CFAP299: variants seen among roughly 807,000 people sequenced by gnomAD.
The protein encoded by CFAP299 is cilia and flagella associated protein 299.
CFAP299 carries 21 observed loss-of-function variants against 27.0 expected under a neutral mutation model. The ratio of observed to expected loss-of-function variants is 0.78; its 90% CI spans 0.55 to 1.12. The LOEUF (loss-of-function observed/expected upper bound fraction) is 1.12, where lower values mean the gene tolerates loss of function less well. CFAP299 is among the 50% of genes most tolerant of loss of function. The pLI, the probability that CFAP299 is intolerant of heterozygous loss-of-function variation, is 0.00. For synonymous variants in CFAP299, 104 were observed against 98.1 expected (o/e 1.06, Z -0.36); for missense variants, 310 against 276.6 (o/e 1.12, Z -0.86).
At chr4:80,342,852 A>C (rs905106550) in intron 1 of CFAP299, among the ~76,000 whole-genome samples, 2 of 152,206 alleles carry the variant, frequency 1.3e-5, no homozygotes, top group African/African-American at 4.8e-5. Flanking sequence ...AAGTGGGCTA[A>C]ATGCTCCAAT....
chr4:80,917,821 A>G (rs1418813296), intron 4 of CFAP299, among the ~76,000 whole-genome samples: 1 of 152,188 alleles, frequency 6.6e-6, no homozygotes, highest in Middle Eastern at 3.2e-3. Context: ...TCTATTCTCT[A>G]TAAACAATAT....
chr4:80,371,560 A>G (rs1291587888), intron 2 of CFAP299, among the ~76,000 whole-genome samples: 1 of 152,222 alleles, frequency 6.6e-6, no homozygotes, highest in Non-Finnish European at 1.5e-5. Flanking sequence ...GGTTTTTACA[A>G]GCAGCCAGGA....
chr4:80,653,731 CATACA>C (rs1333305088), intron 3 of CFAP299, among the ~76,000 whole-genome samples: 4 of 152,076 alleles, frequency 2.6e-5, no homozygotes, highest in Admixed American at 6.6e-5. Context: ...GTGTTTGAAG[CATACA>C]ATACATTTTT....
intron 2 of CFAP299, among the ~76,000 whole-genome samples, chr4:80,494,124 T>C (rs1731308171): frequency 6.6e-6 from 1 of 152,168 alleles, no homozygotes; most frequent in Admixed American, 6.5e-5. Context: ...CTCCATGCTC[T>C]TCTTCCTGTT....
At chr4:80,362,699 G>T in intron 1 of CFAP299, 55 bp from the exon 2 acceptor site, 2 of 1,525,382 alleles carry the variant, frequency 1.3e-6, no homozygotes, top group Non-Finnish European at 1.7e-6. Context: ...AAGTAAGTAA[G>T]TAAAAATAGT....
intron 3 of CFAP299, among the ~76,000 whole-genome samples, chr4:80,758,832 A>T (rs899722687): frequency 1.3e-5 from 2 of 152,180 alleles, no homozygotes; most frequent in African/African-American, 4.8e-5. Context: ...TATATCAAAG[A>T]TGACCATAAA....
intron 3 of CFAP299, among the ~76,000 whole-genome samples, chr4:80,866,134 C>T (rs1163541596): frequency 8.1e-6 from 1 of 123,208 alleles, no homozygotes; most frequent in African/African-American, 2.8e-5. Context: ...CATATGTAAC[C>T]ATACTTGGAA....
At chr4:80,671,745 C>T (rs928255971) in intron 3 of CFAP299, among the ~76,000 whole-genome samples, 7 of 152,120 alleles carry the variant, frequency 4.6e-5, no homozygotes, top group Non-Finnish European at 4.4e-5. Context: ...GTATTTTATA[C>T]TCTTTGAAGC....
At chr4:80,361,126 G>A (rs1037403465) in intron 1 of CFAP299, among the ~76,000 whole-genome samples, 7 of 152,208 alleles carry the variant, frequency 4.6e-5, no homozygotes, top group Admixed American at 6.5e-5. Context: ...ATAATGGTAA[G>A]TGAGGCAATC....
intron 2 of CFAP299, among the ~76,000 whole-genome samples, chr4:80,507,932 A>G (rs1355126530): frequency 1.3e-5 from 2 of 152,206 alleles, no homozygotes; most frequent in African/African-American, 4.8e-5. Context: ...ATACACTGTA[A>G]TTAGTCAGAC....
chr4:80,609,530 A>G (rs1246005331), intron 3 of CFAP299, among the ~76,000 whole-genome samples: 1 of 152,054 alleles, frequency 6.6e-6, no homozygotes, highest in Admixed American at 6.6e-5. Flanking sequence ...TCAACAGAAT[A>G]TTTATTTAAT....
intron 3 of CFAP299, among the ~76,000 whole-genome samples, chr4:80,829,637 C>T (rs1430504893): frequency 2.6e-5 from 4 of 152,032 alleles, no homozygotes; most frequent in African/African-American, 2.4e-5. Context: ...ATGTTCATAG[C>T]AGCATTAATC....
intron 3 of CFAP299, among the ~76,000 whole-genome samples, chr4:80,792,298 TATG>T (rs1327425760): frequency 1.3e-5 from 2 of 152,092 alleles, no homozygotes; most frequent in Non-Finnish European, 2.9e-5. Flanking sequence ...TGAAGTAAAT[TATG>T]TCTGGGTTGA....
intron 3 of CFAP299, among the ~76,000 whole-genome samples, chr4:80,823,474 C>T (rs1041465921): frequency 3.3e-5 from 5 of 152,090 alleles, no homozygotes; most frequent in Non-Finnish European, 5.9e-5. Context: ...TATGTAGGTA[C>T]ATTGGCTCAG....
chr4:80,388,391 G>A (rs1220052152), intron 2 of CFAP299: 3 of 697,326 alleles, frequency 4.3e-6, no homozygotes, highest in Non-Finnish European at 7.9e-6. Flanking sequence ...AGGAGGCGAG[G>A]CCTGCTGGAC....
At chr4:80,669,111 TTTCTTTTC>T (rs1741301559) in intron 3 of CFAP299, among the ~76,000 whole-genome samples, 1 of 144,864 alleles carries the variant, frequency 6.9e-6, no homozygotes, top group African/African-American at 2.5e-5. Context: ...TCTTTTTTCT[TTTCTTTTC>T]TTTTCTTTTC....
chr4:80,804,766 G>A (rs987121518), intron 3 of CFAP299, among the ~76,000 whole-genome samples: 5 of 151,778 alleles, frequency 3.3e-5, no homozygotes, highest in African/African-American at 7.3e-5. Context: ...TTGTGTCTTC[G>A]GATCTAAAAT....
chr4:80,386,095 G>A, intron 2 of CFAP299: 2 of 455,970 alleles, frequency 4.4e-6, no homozygotes, highest in Non-Finnish European at 7.8e-6. Context: ...CTTCCACTGG[G>A]AAGGATCTCC....
intron 2 of CFAP299, among the ~76,000 whole-genome samples, chr4:80,432,062 A>G (rs1727842441): frequency 1.3e-5 from 2 of 152,256 alleles, no homozygotes; most frequent in Admixed American, 1.3e-4. Context: ...TAATGTAATA[A>G]TCTCACTTAT....
Sources: gnomAD v4.1 joint callset for allele counts (sites outside exome capture counted in the v4.1 genomes callset) on GRCh38, gnomAD v4.1.1 for gene constraint, MANE v1.5 for transcripts, NCBI Gene and HGNC (gene_info 2026-07-23, HGNC 2026-07-21) for gene names.